PTPRN2: variants seen among roughly 807,000 people sequenced by gnomAD.
PTPRN2 encodes receptor-type tyrosine-protein phosphatase N2.
A neutral mutation model predicts 118.8 loss-of-function variants in PTPRN2; 74 were observed. The observed-to-expected ratio is 0.62, with a 90% confidence interval of 0.52 to 0.76. The LOEUF is 0.76. Among genes scored for constraint, PTPRN2 ranks in the 30% least tolerant of loss-of-function variants. The pLI is 0.00. For synonymous variants in PTPRN2, 641 were observed against 608.0 expected, an observed-to-expected ratio of 1.05 and a Z score of -0.80; for missense variants, 1,481 against 1,394.4, an observed-to-expected ratio of 1.06 and a Z score of -0.99.
At chr7:157,749,257 C>T (rs1257760801) in intron 12 of PTPRN2, among the ~76,000 whole-genome samples, 1 of 134,814 alleles carries the variant, frequency 7.4e-6, no homozygotes, top group East Asian at 2.4e-4. Context: ...CTGAGGCGTG[C>T]GTCCCTGAGC....
Position 157,640,456 on chromosome 7 carries a change from G to A in PTPRN2, c.2196+15901C>T, listed in dbSNP as rs186674025. Among the ~76,000 whole-genome samples, 14 of 152,342 alleles carry A rather than the reference G, an allele frequency of 9.2e-5. No individual in the cohort carries two copies. In the East Asian group the frequency reaches 2.3e-3, roughly 25 times the overall value. On this transcript the variant is annotated intron_variant, in intron 14 of 22. Coordinates refer to ENST00000389418, the MANE Select transcript of PTPRN2 (RefSeq NM_002847.5). ...GGTACAACTTATTTCCATTAGAGGG[G>A]AGAATGGAAGAGAGTCAAATGTAAA...
At chr7:158,071,643 CTCGTGGTGATGGAGGTGCTCG>C in intron 11 of PTPRN2, among the ~76,000 whole-genome samples, 2 of 122,710 alleles carry the variant, frequency 1.6e-5, no homozygotes, top group African/African-American at 3.0e-5. Context: ...GGTGGAGATG[CTCGTGGTGATGGAGGTGCTCG>C]TGGTGGTGGA....
At chr7:158,319,204 C>T (rs893622269) in intron 2 of PTPRN2, among the ~76,000 whole-genome samples, 20 of 152,268 alleles carry the variant, frequency 1.3e-4, no homozygotes, top group African/African-American at 4.8e-4. Context: ...AGCTACTTGA[C>T]AGTTGAAATA....
intron 12 of PTPRN2, among the ~76,000 whole-genome samples, chr7:157,767,909 G>C (rs138790652): frequency 6.6e-6 from 1 of 152,328 alleles, no homozygotes; most frequent in East Asian, 1.9e-4. Context: ...GGACTTAGGA[G>C]GCAAGAAAGC....
rs187466382 is a variant in PTPRN2 at position 157,599,269 on chromosome 7, C to T, written c.2419-3954G>A. On this transcript the variant is annotated intron_variant, in intron 16 of 22. Coordinates refer to ENST00000389418, the MANE Select transcript of PTPRN2 (RefSeq NM_002847.5). Reference sequence around the variant, plus strand: ...AGGCAATCTGCCTGCTTTGGCCTCCCAAAGTGCTGGGATTACAGGCATAAG... The same window carrying T: ...AGGCAATCTGCCTGCTTTGGCCTCCTAAAGTGCTGGGATTACAGGCATAAG... Among the ~76,000 whole-genome samples, 522 of 152,324 alleles carry T rather than the reference C, an allele frequency of 3.4e-3. 5 individuals are homozygous for T. The highest frequency in any genetic ancestry group is 0.012 in the African/African-American group (494 of 41,564).
intron 3 of PTPRN2, among the ~76,000 whole-genome samples, chr7:158,246,694 G>C (rs1230321977): frequency 6.6e-6 from 1 of 151,968 alleles, no homozygotes; most frequent in East Asian, 1.9e-4. Flanking sequence ...CAACCTTACA[G>C]AGCTGACAGG....
intron 10 of PTPRN2, among the ~76,000 whole-genome samples, chr7:158,086,443 A>T (rs1248559999): frequency 2.0e-5 from 3 of 152,212 alleles, no homozygotes; most frequent in African/African-American, 7.2e-5. Flanking sequence ...CCCAGCTGCC[A>T]GCGTTTGATT....
chr7:158,486,171 G>A (rs532607848), intron 2 of PTPRN2, among the ~76,000 whole-genome samples: 50 of 152,340 alleles, frequency 3.3e-4, no homozygotes, highest in African/African-American at 1.0e-3. Context: ...TCAGATTGCC[G>A]GGTCACGGGC....
intron 2 of PTPRN2, among the ~76,000 whole-genome samples, chr7:158,460,744 C>T (rs960001857): frequency 3.9e-5 from 6 of 152,252 alleles, no homozygotes; most frequent in Admixed American, 3.3e-4. Context: ...AAGCCATGGC[C>T]CCAGCTCCCT....
chr7:158,201,982 C>T lies in PTPRN2; in HGVS notation c.380+3189G>A, dbSNP rs538936248. Among the ~76,000 whole-genome samples, 5 of 152,336 alleles carry T rather than the reference C, an allele frequency of 3.3e-5. No individual in the cohort carries two copies. In the South Asian group the frequency reaches 8.3e-4, roughly 25 times the overall value. On this transcript the variant is annotated intron_variant, in intron 4 of 22. Coordinates refer to ENST00000389418, the MANE Select transcript of PTPRN2 (RefSeq NM_002847.5). ...CACTCATATTTGGCTCAGAATACAT[C>T]TCTAAAAATATTTTACAGAGTTTGA...
At chr7:158,527,294 G>A (rs965486811) in intron 1 of PTPRN2, among the ~76,000 whole-genome samples, 5 of 146,022 alleles carry the variant, frequency 3.4e-5, no homozygotes, top group East Asian at 2.2e-4. Context: ...CCCTGACCCC[G>A]GCCATGCCCC....
intron 6 of PTPRN2, among the ~76,000 whole-genome samples, chr7:158,147,265 C>A (rs373554015): frequency 1.6e-4 from 15 of 92,146 alleles, no homozygotes; most frequent in African/African-American, 2.4e-4. Context: ...TCAATGACAC[C>A]CCATCTCACG....
At chr7:158,096,753 C>T (rs1308718432) in intron 10 of PTPRN2, among the ~76,000 whole-genome samples, 1 of 152,218 alleles carries the variant, frequency 6.6e-6, no homozygotes, top group Non-Finnish European at 1.5e-5. Context: ...CCACCTTCCT[C>T]ACTTGGCAAA....
At chr7:157,790,522 C>A (rs1266105166) in intron 12 of PTPRN2, among the ~76,000 whole-genome samples, 1 of 152,070 alleles carries the variant, frequency 6.6e-6, no homozygotes, top group Non-Finnish European at 1.5e-5. Flanking sequence ...AACGTGACAA[C>A]ACAAGGGCCT....
chr7:158,379,014 T>C (rs986884334), intron 2 of PTPRN2, among the ~76,000 whole-genome samples: 1 of 151,842 alleles, frequency 6.6e-6, no homozygotes, highest in Non-Finnish European at 1.5e-5. Flanking sequence ...CTCAGAGCTG[T>C]GGAGGGGAAG....
Position 158,129,836 on chromosome 7 carries a change from C to A in PTPRN2, c.1556+3841G>T, listed in dbSNP as rs144902261. Among the ~76,000 whole-genome samples, 64 of 152,278 alleles carry A rather than the reference C, an allele frequency of 4.2e-4. No homozygotes were observed. In the East Asian group the frequency reaches 0.011, roughly 27 times the overall value. ...CTGGGCTTGAGAGCAAAGAAATGAA[C>A]AGCCATGAGAAGTTCCTGACTCTAC... On this transcript the variant is annotated intron_variant, in intron 9 of 22. Transcript: ENST00000389418.
chr7:158,521,381 T>A (rs1823985878), intron 1 of PTPRN2, among the ~76,000 whole-genome samples: 1 of 152,194 alleles, frequency 6.6e-6, no homozygotes, highest in Non-Finnish European at 1.5e-5. Flanking sequence ...CCCAACAGGG[T>A]GAATTATTTC....
intron 12 of PTPRN2, among the ~76,000 whole-genome samples, chr7:157,887,831 T>G (rs1796573864): frequency 1.7e-5 from 2 of 115,754 alleles, no homozygotes; most frequent in Non-Finnish European, 3.5e-5. Flanking sequence ...CTTCACCCAG[T>G]ACCCGCTTCC....
At chr7:158,244,514 CTGTG>C (rs777022938) in intron 3 of PTPRN2, among the ~76,000 whole-genome samples, 6 of 150,962 alleles carry the variant, frequency 4.0e-5, no homozygotes, top group East Asian at 2.0e-4. Context: ...TTTGTGTGAG[CTGTG>C]TGTGAGGGTG....
Sources: gnomAD v4.1 joint callset for allele counts (sites outside exome capture counted in the v4.1 genomes callset) on GRCh38, gnomAD v4.1.1 for gene constraint, MANE v1.5 for transcripts, NCBI Gene and HGNC (gene_info 2026-07-23, HGNC 2026-07-21) for gene names.